The following EPB41L5 variants were observed in gnomAD, a reference collection of about 807,000 sequenced individuals.
EPB41L5 encodes erythrocyte membrane protein band 4.1 like 5.
Under a neutral mutation model 106.6 loss-of-function variants are expected in EPB41L5, and 55 were observed. The observed-to-expected ratio is 0.52, with a 90% CI of 0.42 to 0.65. The LOEUF (loss-of-function observed/expected upper bound fraction) is 0.65. Among genes scored for constraint, EPB41L5 ranks in the 30% least tolerant of loss-of-function variants. The probability of loss-of-function intolerance (pLI) is 0.00; values close to 1 mark genes in which losing one functional copy is unlikely to be tolerated. For synonymous variants in EPB41L5, 297 were observed against 306.7 expected, an observed-to-expected ratio of 0.97 and a Z score of 0.33; for missense variants, 871 against 882.1, an observed-to-expected ratio of 0.99 and a Z score of 0.16.
chr2:120,051,068 A>G (rs1029264420), intron 3 of EPB41L5, among the ~76,000 whole-genome samples: 3 of 152,114 alleles, frequency 2.0e-5, no homozygotes, highest in African/African-American at 7.2e-5. Flanking sequence ...GTCTGCCCCT[A>G]CTGGGAGGTG....
At chr2:120,091,530 C>T (rs17049981) in intron 12 of EPB41L5, 25 bp from the exon 13 acceptor site, 70,414 of 1,570,190 alleles carry the variant, frequency 0.045, 1,848 homozygotes, top group African/African-American at 0.11. Flanking sequence ...TAAAATTTCC[C>T]TTACTTCTGT....
At chr2:120,053,980 G>T (rs545880636) in intron 3 of EPB41L5, among the ~76,000 whole-genome samples, 4 of 152,280 alleles carry the variant, frequency 2.6e-5, no homozygotes, top group African/African-American at 9.6e-5. Context: ...AGGATTGCTT[G>T]TGCCAAACTT....
At chr2:120,019,943 C>T (rs897951529) in intron 2 of EPB41L5, among the ~76,000 whole-genome samples, 2 of 150,924 alleles carry the variant, frequency 1.3e-5, no homozygotes, top group African/African-American at 2.4e-5. Flanking sequence ...ATAATCATAA[C>T]TCAGTGTGAA....
At chr2:120,156,255 G>A (rs1355025431) in intron 20 of EPB41L5, among the ~76,000 whole-genome samples, 1 of 152,134 alleles carries the variant, frequency 6.6e-6, no homozygotes, top group African/African-American at 2.4e-5. Context: ...GGCCATACCT[G>A]CTTGCCGGGA....
At position 120,019,175 on chromosome 2, in the gene EPB41L5, A is replaced by G; in HGVS notation, c.91A>G (p.Thr31Ala). Residue 31 changes from threonine (T) to alanine (A), a missense_variant, in exon 2 of 25, where the codon ACA becomes GCA. Physicochemically the swap from Thr to Ala is moderately conservative, Grantham distance 58 (BLOSUM62 0). Transcript: ENST00000263713. Reference protein sequence around the residue: ...ERLREAQRAATHIPAAGDSKS... With the variant: ...ERLREAQRAAAHIPAAGDSKS... ...ACTCCGAGAAGCACAACGCGCCGCCACACATATTCCTGCAGCTGGAGATTC... is the reference window on the plus strand; with the variant it reads ...ACTCCGAGAAGCACAACGCGCCGCCGCACATATTCCTGCAGCTGGAGATTC... 6.2e-7 allele frequency: 1 copy of G among 1,613,904 alleles called. No homozygotes were observed. Among genetic ancestry groups the G allele is most frequent in the Admixed American group, 1.7e-5 (1 of 59,962 alleles).
At position 120,143,031 on chromosome 2, in the gene EPB41L5, G is replaced by A. The variant is rs764847821; in HGVS notation, c.1628G>A (p.Cys543Tyr). The change falls in exon 19 of 25, where the codon TGC becomes TAC. Residue 543 changes from cysteine (C) to tyrosine (Y), a missense_variant. Physicochemically the swap from Cys to Tyr is radical, Grantham distance 194. Transcript: ENST00000263713. ...GAAGTGGTGAAGTTGACTGAGAAAT[G>A]CCTTAATAATGTCATTGAGAGCCCA... ...QEEVVKLTEKCLNNVIESPGL... is the reference protein window; with the variant it reads ...QEEVVKLTEKYLNNVIESPGL... 3 of 1,612,650 alleles carry A rather than the reference G, an allele frequency of 1.9e-6. No individual in the cohort carries two copies. Among genetic ancestry groups the A allele is most frequent in the Non-Finnish European group, 2.5e-6 (3 of 1,179,074 alleles).
intron 20 of EPB41L5, among the ~76,000 whole-genome samples, chr2:120,152,171 C>T (rs1039817496): frequency 7.2e-5 from 11 of 152,150 alleles, no homozygotes; most frequent in African/African-American, 9.7e-5. Context: ...TTCATATATG[C>T]CCTTTACCAT....
At chr2:120,018,208 C>G (rs1444315390) in intron 1 of EPB41L5, among the ~76,000 whole-genome samples, 1 of 151,930 alleles carries the variant, frequency 6.6e-6, no homozygotes, top group Non-Finnish European at 1.5e-5. Flanking sequence ...ACCTCGTGAT[C>G]CACCTGCCTT....
At chr2:120,101,556 C>G (rs1684141437) in intron 16 of EPB41L5, 1 of 152,054 alleles carries the variant, frequency 6.6e-6, no homozygotes, top group South Asian at 2.1e-4. Flanking sequence ...TTTGATAATT[C>G]ATAGGATTTT....
intron 2 of EPB41L5, among the ~76,000 whole-genome samples, chr2:120,023,161 A>G (rs1047579861): frequency 2.0e-5 from 3 of 152,130 alleles, no homozygotes; most frequent in African/African-American, 7.2e-5. Flanking sequence ...TGCTGGGCAA[A>G]ATAAAAAGAA....
intron 19 of EPB41L5, 117 bp downstream of exon 19, chr2:120,143,248 A>T: frequency 8.5e-7 from 1 of 1,178,548 alleles, no homozygotes; most frequent in Non-Finnish European, 1.2e-6. Flanking sequence ...TCAGGGAGTT[A>T]AAAAATAAGA....
intron 2 of EPB41L5, among the ~76,000 whole-genome samples, chr2:120,036,855 G>C (rs973314585): frequency 6.6e-6 from 1 of 152,058 alleles, no homozygotes; most frequent in African/African-American, 2.4e-5. Context: ...ATAATATGAA[G>C]CATAAAATAA....
At chr2:120,079,432 T>A (rs1682485364) in intron 10 of EPB41L5, among the ~76,000 whole-genome samples, 1 of 152,188 alleles carries the variant, frequency 6.6e-6, no homozygotes, top group African/African-American at 2.4e-5. Context: ...AACTGCTGAA[T>A]GCCATCCCCT....
At chr2:120,103,941 A>C in intron 16 of EPB41L5, 1 of 1,149,002 alleles carries the variant, frequency 8.7e-7, no homozygotes, top group Non-Finnish European at 1.1e-6. Flanking sequence ...GCTGGTAACT[A>C]CTCATAGCAG....
At position 120,073,244 on chromosome 2, in the gene EPB41L5, T is replaced by TG. The variant is rs775827856; in HGVS notation, c.328+31dup. On this transcript the variant is annotated intron_variant, in intron 4 of 24. Coordinates refer to ENST00000263713, the MANE Select transcript of EPB41L5 (RefSeq NM_020909.4). ...AAGTAAGTGCAGACAAAATTATTTG[T>TG]GGGGGGGAAAGGAAATAGAATATAT... 3.4e-5 allele frequency: 53 copies of TG among 1,562,172 alleles called. 1 individual carries two copies. Among genetic ancestry groups the TG allele is most frequent in the South Asian group, 1.8e-4 (16 of 87,188 alleles).
chr2:120,123,142 A>G (rs1431165872), intron 16 of EPB41L5, among the ~76,000 whole-genome samples: 1 of 151,928 alleles, frequency 6.6e-6, no homozygotes, highest in African/African-American at 2.4e-5. Context: ...CATTGCAGAC[A>G]AAGTTTTGTT....
intron 3 of EPB41L5, among the ~76,000 whole-genome samples, chr2:120,059,328 C>G (rs545867449): frequency 7.1e-4 from 108 of 152,174 alleles, no homozygotes; most frequent in African/African-American, 2.6e-3. Context: ...CAAAAATTAA[C>G]TCAAAATGGA....
chr2:120,032,208 C>T (rs1678758940), intron 2 of EPB41L5, among the ~76,000 whole-genome samples: 2 of 152,010 alleles, frequency 1.3e-5, no homozygotes, highest in Non-Finnish European at 2.9e-5. Flanking sequence ...AGGCGAAACT[C>T]CGTCTCTACT....
At chr2:120,112,495 C>T (rs766415239) in intron 16 of EPB41L5, among the ~76,000 whole-genome samples, 11 of 152,138 alleles carry the variant, frequency 7.2e-5, no homozygotes, top group Admixed American at 2.6e-4. Flanking sequence ...TGGAGATAAA[C>T]AGTTTTACAA....
Sources: gnomAD v4.1 joint callset for allele counts (sites outside exome capture counted in the v4.1 genomes callset) on GRCh38, gnomAD v4.1.1 for gene constraint, MANE v1.5 for transcripts, NCBI Gene and HGNC (gene_info 2026-07-23, HGNC 2026-07-21) for gene names.